The following STXBP5L variants were observed in gnomAD, a reference collection of about 807,000 sequenced individuals.
STXBP5L encodes syntaxin binding protein 5L, also known as syntaxin-binding protein 5-like.
STXBP5L carries 65 observed loss-of-function variants against 144.5 expected under a neutral mutation model. That is an observed-to-expected ratio of 0.45 (90% CI 0.37 to 0.55). The LOEUF (loss-of-function observed/expected upper bound fraction) is 0.55. Among genes scored for constraint, STXBP5L ranks in the 20% least tolerant of loss-of-function variants. The pLI is 0.00. For synonymous variants in STXBP5L, 505 were observed against 469.6 expected (o/e 1.08, Z -0.97); for missense variants, 1,298 against 1,405.5 (o/e 0.92, Z 1.22).
intron 10 of STXBP5L, among the ~76,000 whole-genome samples, chr3:121,208,180 G>C (rs2048413920): frequency 6.6e-6 from 1 of 152,116 alleles, no homozygotes; most frequent in Non-Finnish European, 1.5e-5. Flanking sequence ...CATGTCCTTT[G>C]TAGGGACATG....
At chr3:121,334,282 T>A (rs1444919777) in intron 20 of STXBP5L, among the ~76,000 whole-genome samples, 1 of 151,998 alleles carries the variant, frequency 6.6e-6, no homozygotes, top group Non-Finnish European at 1.5e-5. Flanking sequence ...AAAGTCCAGG[T>A]CCAGAAGGAT....
intron 20 of STXBP5L, among the ~76,000 whole-genome samples, chr3:121,377,648 C>T (rs922693741): frequency 2.0e-5 from 3 of 152,074 alleles, no homozygotes; most frequent in Non-Finnish European, 4.4e-5. Context: ...GTTAGAATGG[C>T]AATCATTAAA....
chr3:121,361,869 G>A (rs912606669), intron 20 of STXBP5L, among the ~76,000 whole-genome samples: 1 of 152,064 alleles, frequency 6.6e-6, no homozygotes, highest in Non-Finnish European at 1.5e-5. Context: ...TCTTTGGTGT[G>A]TGGGCATTGA....
At chr3:120,926,021 C>T (rs1051391669) in intron 2 of STXBP5L, among the ~76,000 whole-genome samples, 7 of 152,062 alleles carry the variant, frequency 4.6e-5, no homozygotes, top group African/African-American at 1.2e-4. Context: ...TATCTCTTAA[C>T]GGATTGCTGT....
At chr3:121,165,145 A>G (rs2046456294) in intron 9 of STXBP5L, among the ~76,000 whole-genome samples, 1 of 152,198 alleles carries the variant, frequency 6.6e-6, no homozygotes, top group African/African-American at 2.4e-5. Flanking sequence ...TACCTTAAAT[A>G]TATACGATAA....
intron 7 of STXBP5L, among the ~76,000 whole-genome samples, chr3:121,126,856 G>A (rs1006979785): frequency 5.9e-5 from 9 of 152,106 alleles, no homozygotes; most frequent in Non-Finnish European, 1.0e-4. Flanking sequence ...TTTTTCAGAG[G>A]CTGCAAAATT....
intron 5 of STXBP5L, among the ~76,000 whole-genome samples, chr3:121,100,506 A>G (rs749103724): frequency 3.9e-5 from 6 of 152,304 alleles, no homozygotes; most frequent in Admixed American, 6.5e-5. Context: ...TTGGTAAACA[A>G]TGAAATTAAG....
At chr3:120,985,117 T>C (rs543190259) in intron 3 of STXBP5L, among the ~76,000 whole-genome samples, 7 of 151,550 alleles carry the variant, frequency 4.6e-5, no homozygotes, top group African/African-American at 1.7e-4. Flanking sequence ...GTTTTGTAGC[T>C]TTTTTTTTCT....
chr3:121,135,107 A>G (rs559147248), intron 7 of STXBP5L, among the ~76,000 whole-genome samples: 23 of 152,244 alleles, frequency 1.5e-4, no homozygotes, highest in Non-Finnish European at 2.9e-4. Flanking sequence ...TCTAACTGGT[A>G]TGAGATGGTA....
chr3:120,938,934 A>C (rs1166457644), intron 2 of STXBP5L, among the ~76,000 whole-genome samples: 1 of 151,876 alleles, frequency 6.6e-6, no homozygotes, highest in African/African-American at 2.4e-5. Context: ...GGGGCGAAAC[A>C]CCATTCCTGG....
At chr3:121,290,900 A>C (rs2051414707) in intron 19 of STXBP5L, among the ~76,000 whole-genome samples, 1 of 152,088 alleles carries the variant, frequency 6.6e-6, no homozygotes, top group Admixed American at 6.6e-5. Context: ...GAAAACAACT[A>C]AGGGTAATAA....
intron 9 of STXBP5L, among the ~76,000 whole-genome samples, chr3:121,185,737 C>T (rs1222987810): frequency 6.6e-6 from 1 of 152,146 alleles, no homozygotes; most frequent in South Asian, 2.1e-4. Flanking sequence ...AGCATGATGC[C>T]TCCAGATTTA....
chr3:121,118,310 T>C (rs1243884471), intron 6 of STXBP5L, among the ~76,000 whole-genome samples: 1 of 151,778 alleles, frequency 6.6e-6, no homozygotes, highest in Non-Finnish European at 1.5e-5. Context: ...GATTGTTACA[T>C]CTATGCTGAG....
chr3:121,415,933 G>A lies in STXBP5L; in HGVS notation c.3191G>A (p.Gly1064Asp). 1 of 1,613,292 alleles carries A rather than the reference G, an allele frequency of 6.2e-7. No individual in the cohort carries two copies. ...AGAGGCTTTCTCAAGGGACTGTTTG[G>A]TGGAAGCGGACAAACATTTGACAGA... ...QNRGFLKGLF[G>D]GSGQTFDREE... The change falls in exon 25 of 27, where the codon GGT becomes GAT. Residue 1064 changes from glycine (G) to aspartate (D), a missense_variant. Gly to Asp is a moderately conservative substitution (Grantham distance 94). Transcript: ENST00000471454.
chr3:121,102,225 T>G (rs1371494970), intron 5 of STXBP5L, among the ~76,000 whole-genome samples: 1 of 152,102 alleles, frequency 6.6e-6, no homozygotes, highest in Non-Finnish European at 1.5e-5. Context: ...TAAATTCATG[T>G]GGAACCAAAA....
intron 19 of STXBP5L, among the ~76,000 whole-genome samples, chr3:121,313,001 C>G: frequency 6.6e-6 from 1 of 152,138 alleles, no homozygotes; most frequent in Non-Finnish European, 1.5e-5. Context: ...GGGTCATGGC[C>G]GGGCAGAGGG....
At chr3:120,927,915 T>C (rs944126336) in intron 2 of STXBP5L, among the ~76,000 whole-genome samples, 3 of 152,190 alleles carry the variant, frequency 2.0e-5, no homozygotes, top group African/African-American at 7.2e-5. Flanking sequence ...TTATTGTTAA[T>C]GTTTTTTACA....
Position 121,407,393 on chromosome 3 carries a change from C to T in STXBP5L, c.2738C>T (p.Ser913Leu). The change falls in exon 23 of 27, where the codon TCA becomes TTA. Residue 913 changes from serine (S) to leucine (L), a missense_variant. Ser to Leu is a moderately radical substitution (Grantham distance 145, BLOSUM62 -2). Coordinates refer to ENST00000471454, the MANE Select transcript of STXBP5L (RefSeq NM_001308330.2). ...TGGAGAAGGAAAGTGGTAATGAACT[C>T]ATCTTCTGCATCCCAAGAAATAGGA... ...KSWRRKVVMN[S>L]SSASQEIGDH... is the part of the protein sequence containing the mutation. 6.2e-7 allele frequency: 1 copy of T among 1,613,030 alleles called. No homozygotes were observed. Among genetic ancestry groups the T allele is most frequent in the Non-Finnish European group, 8.5e-7 (1 of 1,179,362 alleles).
At chr3:121,302,597 G>T (rs958929665) in intron 19 of STXBP5L, among the ~76,000 whole-genome samples, 3 of 152,064 alleles carry the variant, frequency 2.0e-5, no homozygotes, top group Non-Finnish European at 2.9e-5. Context: ...TTTTGAATGT[G>T]TTTGCTCTTG....
Sources: allele counts gnomAD v4.1 joint callset (sites outside exome capture counted in the v4.1 genomes callset), GRCh38; gene constraint gnomAD v4.1.1; transcripts MANE v1.5; gene names NCBI Gene and HGNC (gene_info 2026-07-23, HGNC 2026-07-21).